Variants in CCDC91 observed in about 807,000 individuals in gnomAD.
CCDC91 encodes coiled-coil domain containing 91.
CCDC91 carries 48 observed loss-of-function variants against 63.2 expected under a neutral mutation model. The observed-to-expected ratio is 0.76, with a 90% CI of 0.60 to 0.97. The LOEUF (loss-of-function observed/expected upper bound fraction) is 0.97, where lower values mean the gene tolerates loss of function less well. Among genes scored for constraint, CCDC91 ranks in the 50% least tolerant of loss-of-function variants. CCDC91 has a pLI of 0.00. For synonymous variants in CCDC91, 167 were observed against 165.8 expected (o/e 1.01, Z -0.06); for missense variants, 500 against 494.6 (o/e 1.01, Z -0.10).
At position 28,219,468 on chromosome 12, in the gene CCDC91, A is replaced by ATTT. The variant is rs752030088; in HGVS notation, c.-15+28846_-15+28848dup. 2.2e-4 allele frequency among the ~76,000 whole-genome samples: 27 copies of ATTT among 121,614 alleles called. 1 individual carries two copies. Among genetic ancestry groups the ATTT allele is most frequent in the African/African-American group, 6.6e-4 (20 of 30,168 alleles). The allele number at this position is 121,614 out of a possible 152,430, so 79.8% of individuals were successfully genotyped here. On this transcript the variant is annotated intron_variant, in intron 1 of 12. Coordinates refer to ENST00000536442, the MANE Select transcript of CCDC91 (RefSeq NM_018318.5). ...CATAACAAAATTTACCAGTGTAACC[A>ATTT]TTTTTTTTTTTTTTTTTTTTTGAGA...
chr12:28,522,288 G>T (rs1359495612), intron 12 of CCDC91, among the ~76,000 whole-genome samples: 1 of 152,004 alleles, frequency 6.6e-6, no homozygotes, highest in Non-Finnish European at 1.5e-5. Flanking sequence ...ACTTCTTCCT[G>T]GTTTAGTCTT....
intron 11 of CCDC91, among the ~76,000 whole-genome samples, chr12:28,481,941 C>T (rs1337526241): frequency 6.6e-6 from 1 of 151,734 alleles, no homozygotes; most frequent in East Asian, 1.9e-4. Flanking sequence ...TGGTTATAGC[C>T]CATTTATTTA....
chr12:28,482,749 C>A (rs1411161635), intron 11 of CCDC91, among the ~76,000 whole-genome samples: 1 of 151,850 alleles, frequency 6.6e-6, no homozygotes, highest in African/African-American at 2.4e-5. Flanking sequence ...GAGTTTAAAT[C>A]CTTTGGCCAA....
At chr12:28,452,443 T>A in intron 10 of CCDC91, 35 bp from the exon 11 acceptor site, 1 of 1,397,786 alleles carries the variant, frequency 7.2e-7, no homozygotes, top group Non-Finnish European at 9.8e-7. Flanking sequence ...TTATGCAGTC[T>A]TTCAAATTTG....
chr12:28,225,298 G>T (rs568153910), intron 1 of CCDC91, among the ~76,000 whole-genome samples: 27 of 152,224 alleles, frequency 1.8e-4, no homozygotes, highest in Non-Finnish European at 2.8e-4. Context: ...GGTTATTTTA[G>T]GAAGGAAATT....
chr12:28,524,597 G>A (rs181014225), intron 12 of CCDC91, among the ~76,000 whole-genome samples: 9 of 152,206 alleles, frequency 5.9e-5, no homozygotes, highest in Non-Finnish European at 1.3e-4. Flanking sequence ...TTAGATATTA[G>A]GGTGATACTG....
intron 8 of CCDC91, among the ~76,000 whole-genome samples, chr12:28,448,377 C>CTG (rs940047903): frequency 6.6e-6 from 1 of 152,106 alleles, no homozygotes; most frequent in African/African-American, 2.4e-5. Flanking sequence ...TCAAGTGAAT[C>CTG]TGTGATTTTA....
At chr12:28,502,752 A>C (rs1188417283) in intron 12 of CCDC91, among the ~76,000 whole-genome samples, 1 of 151,270 alleles carries the variant, frequency 6.6e-6, no homozygotes, top group Non-Finnish European at 1.5e-5. Context: ...TCAATGGAAC[A>C]GAACAGAGCC....
chr12:28,548,222 G>A (rs77215916), intron 12 of CCDC91, among the ~76,000 whole-genome samples: 62 of 152,034 alleles, frequency 4.1e-4, no homozygotes, highest in Non-Finnish European at 7.2e-4. Flanking sequence ...CTCTACCTTA[G>A]CCAAGGGACA....
chr12:28,294,388 C>T (rs1351914559), intron 3 of CCDC91, among the ~76,000 whole-genome samples: 1 of 152,016 alleles, frequency 6.6e-6, no homozygotes, highest in Non-Finnish European at 1.5e-5. Context: ...GGAGGTGGTT[C>T]CCCCCGCATG....
At chr12:28,477,713 C>T (rs772756816) in intron 11 of CCDC91, among the ~76,000 whole-genome samples, 8 of 152,188 alleles carry the variant, frequency 5.3e-5, no homozygotes, top group South Asian at 4.2e-4. Flanking sequence ...TCTAAAAAAC[C>T]GCATCGTCTT....
At chr12:28,252,461 T>A (rs554360485) in intron 1 of CCDC91, among the ~76,000 whole-genome samples, 1 of 151,944 alleles carries the variant, frequency 6.6e-6, no homozygotes, top group Non-Finnish European at 1.5e-5. Context: ...TGACTTCCCA[T>A]TTTTTTCTCT....
intron 6 of CCDC91, among the ~76,000 whole-genome samples, chr12:28,313,166 A>G (rs1054359649): frequency 2.6e-5 from 4 of 151,928 alleles, no homozygotes; most frequent in African/African-American, 9.7e-5. Flanking sequence ...ATGAAATGAA[A>G]AGAGTTATTT....
At chr12:28,237,160 A>G (rs1945005517) in intron 1 of CCDC91, among the ~76,000 whole-genome samples, 1 of 151,858 alleles carries the variant, frequency 6.6e-6, no homozygotes, top group Non-Finnish European at 1.5e-5. Context: ...AACTCTAAAT[A>G]TATCCCTCAC....
chr12:28,217,016 C>T (rs991243030), intron 1 of CCDC91, among the ~76,000 whole-genome samples: 2 of 152,042 alleles, frequency 1.3e-5, no homozygotes, highest in African/African-American at 2.4e-5. Context: ...ACAGTACATT[C>T]GTATAATACT....
intron 7 of CCDC91, among the ~76,000 whole-genome samples, chr12:28,383,890 A>G (rs1233466672): frequency 1.3e-5 from 2 of 152,184 alleles, no homozygotes; most frequent in African/African-American, 4.8e-5. Flanking sequence ...CTTTTAAAAT[A>G]CATGGCTATG....
intron 6 of CCDC91, among the ~76,000 whole-genome samples, chr12:28,319,778 A>G (rs1289867579): frequency 1.3e-5 from 2 of 151,716 alleles, no homozygotes; most frequent in African/African-American, 4.8e-5. Flanking sequence ...TATGTAAATT[A>G]TTGTTATATT....
intron 12 of CCDC91, among the ~76,000 whole-genome samples, chr12:28,532,921 A>G (rs1274026779): frequency 6.6e-6 from 1 of 152,092 alleles, no homozygotes; most frequent in Non-Finnish European, 1.5e-5. Context: ...ATCATTGGCT[A>G]TTGGTCCATG....
intron 1 of CCDC91, among the ~76,000 whole-genome samples, chr12:28,238,112 A>T (rs1486816952): frequency 6.6e-6 from 1 of 152,160 alleles, no homozygotes; most frequent in African/African-American, 2.4e-5. Flanking sequence ...TTTGTATGAA[A>T]CTTAACACAT....
Sources: allele counts gnomAD v4.1 joint callset (sites outside exome capture counted in the v4.1 genomes callset), GRCh38; gene constraint gnomAD v4.1.1; transcripts MANE v1.5; gene names NCBI Gene and HGNC (gene_info 2026-07-23, HGNC 2026-07-21).